PLB1: variants seen among roughly 807,000 people sequenced by gnomAD.
PLB1 encodes phospholipase B1.
In PLB1, 242 loss-of-function variants were observed where a neutral mutation model predicts 227.4. That is an observed-to-expected ratio of 1.06 (90% CI 0.96 to 1.18). The LOEUF is 1.18. Ranked by LOEUF, PLB1 falls within the 50% of genes most tolerant of loss-of-function variation. The probability of loss-of-function intolerance (pLI) is 0.00; values close to 1 mark genes in which losing one functional copy is unlikely to be tolerated. For missense variants in PLB1, 1,858 were observed against 1,816.3 expected, an observed-to-expected ratio of 1.02 and a Z score of -0.42; for synonymous variants, 757 against 682.2, an observed-to-expected ratio of 1.11 and a Z score of -1.71.
intron 20 of PLB1, among the ~76,000 whole-genome samples, chr2:28,567,663 A>G (rs12471106): frequency 0.19 from 29,114 of 151,700 alleles, 3,709 homozygotes; most frequent in East Asian, 0.64. Context: ...TAATAGAGAC[A>G]GGGTTTCACC....
intron 20 of PLB1, among the ~76,000 whole-genome samples, chr2:28,568,692 CAT>C (rs1243884804): frequency 6.6e-6 from 1 of 152,148 alleles, no homozygotes; most frequent in African/African-American, 2.4e-5. Context: ...AAGACAGACA[CAT>C]GACTAATATT....
intron 1 of PLB1, among the ~76,000 whole-genome samples, chr2:28,496,700 G>A (rs1572584992): frequency 1.3e-5 from 2 of 152,148 alleles, no homozygotes; most frequent in Admixed American, 1.3e-4. Flanking sequence ...AACTGAGTGG[G>A]CAACCAGCCA....
At chr2:28,612,508 G>A (rs1045209637) in intron 43 of PLB1, among the ~76,000 whole-genome samples, 1 of 152,154 alleles carries the variant, frequency 6.6e-6, no homozygotes, top group Non-Finnish European at 1.5e-5. Flanking sequence ...GGGGCATTTG[G>A]GGGTTGCAAA....
At chr2:28,572,971 CCAGACT>C (rs1166119520) in intron 20 of PLB1, among the ~76,000 whole-genome samples, 1 of 152,084 alleles carries the variant, frequency 6.6e-6, no homozygotes, top group Non-Finnish European at 1.5e-5. Flanking sequence ...AGCCTGTAAC[CCAGACT>C]CACATTTCTT....
At chr2:28,496,458 A>G (rs1486742916) in intron 1 of PLB1, among the ~76,000 whole-genome samples, 1 of 152,016 alleles carries the variant, frequency 6.6e-6, no homozygotes, top group Non-Finnish European at 1.5e-5. Flanking sequence ...CCTGGATTCT[A>G]TTTGTTTGTG....
intron 29 of PLB1, 33 bp from the exon 30 acceptor site, chr2:28,591,100 T>A (rs1210954601): frequency 3.7e-6 from 6 of 1,613,810 alleles, no homozygotes; most frequent in South Asian, 3.3e-5. Flanking sequence ...TGAGCAGAAT[T>A]TGCTGCCATT....
At chr2:28,578,002 C>T in intron 21 of PLB1, 105 bp from the exon 22 acceptor site, 2 of 1,136,876 alleles carry the variant, frequency 1.8e-6, no homozygotes, top group South Asian at 2.6e-5. Flanking sequence ...TGCAGGAGGC[C>T]CACCCTGGGC....
chr2:28,504,814 C>T (rs1321661233), intron 1 of PLB1, among the ~76,000 whole-genome samples: 2 of 152,050 alleles, frequency 1.3e-5, no homozygotes, highest in Admixed American at 6.6e-5. Context: ...TTTTAGTATC[C>T]AAAGTCTTTG....
intron 22 of PLB1, among the ~76,000 whole-genome samples, chr2:28,578,541 G>T (rs1399404015): frequency 6.6e-6 from 1 of 152,112 alleles, no homozygotes; most frequent in Non-Finnish European, 1.5e-5. Flanking sequence ...AGGACAGTCA[G>T]GGAAGGCTTG....
intron 14 of PLB1, among the ~76,000 whole-genome samples, chr2:28,545,516 C>A (rs913827820): frequency 6.6e-6 from 1 of 152,146 alleles, no homozygotes; most frequent in Non-Finnish European, 1.5e-5. Context: ...AAAACCCGGG[C>A]TCTGATTTCG....
chr2:28,564,272 C>A (rs1161958185), intron 18 of PLB1, among the ~76,000 whole-genome samples: 1 of 152,132 alleles, frequency 6.6e-6, no homozygotes, highest in Non-Finnish European at 1.5e-5. Flanking sequence ...TGAAGCTGGG[C>A]AAGGTGAAGT....
At chr2:28,517,014 C>T (rs1485912186) in intron 2 of PLB1, 145 bp downstream of exon 2, 31 of 750,696 alleles carry the variant, frequency 4.1e-5, no homozygotes, top group Middle Eastern at 3.9e-4. Flanking sequence ...ACCGCTTCCC[C>T]CATGGACAGC....
Position 28,590,085 on chromosome 2 carries a change from G to T in PLB1, c.2088+9G>T, listed in dbSNP as rs541585120. 3.2e-5 allele frequency: 51 copies of T among 1,605,448 alleles called. No homozygotes were observed. The East Asian group carries it at 5.3e-4, about 17-fold the overall frequency. The stretch of plus-strand genomic sequence containing the variant: ...TCACATGTCCGAACCAGGTAGAGTG[G>T]AAAGCACGTCCTTCCAGGCTCCGGC... On this transcript the variant is annotated intron_variant, in intron 29 of 57. Transcript: ENST00000327757.
chr2:28,627,674 C>T (rs1341885435), intron 51 of PLB1, among the ~76,000 whole-genome samples: 1 of 152,170 alleles, frequency 6.6e-6, no homozygotes, highest in Admixed American at 6.5e-5. Context: ...CAGCGAACAG[C>T]ACTGGTCCTA....
At chr2:28,573,095 G>A (rs13005854) in intron 20 of PLB1, 102 bp from the exon 21 acceptor site, 573,922 of 857,182 alleles carry the variant, frequency 0.67, 205,764 homozygotes, top group Non-Finnish European at 0.77. Flanking sequence ...TAGGGGCTGC[G>A]GAGTGGGGAC....
intron 14 of PLB1, 93 bp downstream of exon 14, chr2:28,543,361 G>C (rs550365625): frequency 7.4e-7 from 1 of 1,354,644 alleles, no homozygotes; most frequent in Non-Finnish European, 1.0e-6. Context: ...GCTGCAGGGC[G>C]CCCCAGGATC....
rs373433479 is a variant in PLB1 at position 28,602,874 on chromosome 2, G to A, written c.2727G>A (p.Arg909=). 3 of 1,614,172 alleles carry A rather than the reference G, an allele frequency of 1.9e-6. No homozygotes were observed. The highest frequency in any genetic ancestry group is 2.5e-6 in the Non-Finnish European group (3 of 1,180,028). The change falls in exon 39 of 58, where the codon CGG becomes CGA. Residue 909 remains arginine, a synonymous_variant. Transcript: ENST00000327757. ...ACTTCCTGAACCCCACTATCATGCG[G>A]CAGGTGTTCCTGGGAAACCCAGACA... is the stretch of plus-strand genomic sequence containing the variant. ...LVDFLNPTIM[R]QVFLGNPDKC...
At chr2:28,511,581 C>T (rs1668263595) in intron 1 of PLB1, among the ~76,000 whole-genome samples, 1 of 152,034 alleles carries the variant, frequency 6.6e-6, no homozygotes, top group East Asian at 1.9e-4. Flanking sequence ...ATATTGGTCT[C>T]CTGTACTCGA....
intron 17 of PLB1, among the ~76,000 whole-genome samples, chr2:28,562,760 A>C (rs1340876163): frequency 6.6e-6 from 1 of 152,062 alleles, no homozygotes; most frequent in Non-Finnish European, 1.5e-5. Flanking sequence ...GGTCCCACCA[A>C]ATGCGAGCAC....
Sources: allele counts gnomAD v4.1 joint callset (sites outside exome capture counted in the v4.1 genomes callset), GRCh38; gene constraint gnomAD v4.1.1; transcripts MANE v1.5; gene names NCBI Gene and HGNC (gene_info 2026-07-23, HGNC 2026-07-21).